The following RMND1 variants were observed in gnomAD, a reference collection of about 807,000 sequenced individuals.
RMND1 encodes the protein required for meiotic nuclear division 1 homolog.
Under a neutral mutation model 54.0 loss-of-function variants are expected in RMND1, and 41 were observed. The observed-to-expected ratio is 0.76, with a 90% CI of 0.59 to 0.98. RMND1 has a LOEUF of 0.98. Among genes scored for constraint, RMND1 ranks in the 50% least tolerant of loss-of-function variants. The pLI is 0.00. For missense variants in RMND1, 457 were observed against 532.0 expected, an observed-to-expected ratio of 0.86 and a Z score of 1.39; for synonymous variants, 183 against 181.7, an observed-to-expected ratio of 1.01 and a Z score of -0.06.
chr6:151,440,044 C>G (rs1780732613), intron 2 of RMND1, among the ~76,000 whole-genome samples: 1 of 152,050 alleles, frequency 6.6e-6, no homozygotes, highest in African/African-American at 2.4e-5. Flanking sequence ...GCAACCTCTA[C>G]CCCCTGGATT....
chr6:151,413,494 C>T (rs935371178), intron 10 of RMND1, among the ~76,000 whole-genome samples: 1 of 152,174 alleles, frequency 6.6e-6, no homozygotes, highest in Non-Finnish European at 1.5e-5. Flanking sequence ...CCTGCCTTGG[C>T]CTACCAAAGT....
intron 2 of RMND1, among the ~76,000 whole-genome samples, chr6:151,440,559 G>C (rs1478264015): frequency 1.3e-5 from 2 of 152,194 alleles, no homozygotes; most frequent in East Asian, 3.8e-4. Context: ...AGGTTTTCCA[G>C]ACTGTCAACT....
At chr6:151,423,026 G>A (rs2114937982) in intron 7 of RMND1, among the ~76,000 whole-genome samples, 1 of 152,292 alleles carries the variant, frequency 6.6e-6, no homozygotes, top group East Asian at 1.9e-4. Flanking sequence ...GGACGCTGCA[G>A]CAGCCACCTA....
At chr6:151,436,178 G>C in intron 3 of RMND1, 1 of 300,386 alleles carries the variant, frequency 3.3e-6, no homozygotes, top group Non-Finnish European at 6.4e-6. Context: ...TAATGTGCTA[G>C]AAATGAAGTA....
chr6:151,420,004 T>C (rs971080562), intron 9 of RMND1, among the ~76,000 whole-genome samples: 1 of 152,206 alleles, frequency 6.6e-6, no homozygotes, highest in Non-Finnish European at 1.5e-5. Context: ...TTATCTGCCA[T>C]GTTTATTTTC....
Position 151,420,910 on chromosome 6 carries a change from G to A in RMND1, c.1079+335C>T, listed in dbSNP as rs539782017. The A allele has an allele frequency of 9.5e-5, 16 of 168,510 alleles. No homozygotes were observed. The South Asian group carries it at 3.0e-3, about 32-fold the overall frequency. 10.4% of individuals were successfully genotyped at this position (168,510 alleles called of 1,614,324 possible). A position where few individuals can be genotyped will look rare whatever the true frequency, so the allele number is the denominator to read the frequency against. ...AGCAATTAAGCCTATTTAGCATTAT[G>A]ATGCAGTGATATATTTTTACAGAGA... On this transcript the variant is annotated intron_variant, in intron 9 of 11. Coordinates refer to ENST00000444024, the MANE Select transcript of RMND1 (RefSeq NM_017909.4).
At chr6:151,419,476 T>A (rs895667647) in intron 9 of RMND1, among the ~76,000 whole-genome samples, 1 of 151,468 alleles carries the variant, frequency 6.6e-6, no homozygotes, top group Non-Finnish European at 1.5e-5. Context: ...GGGAGGAGGA[T>A]TGCTTGAGCA....
At chr6:151,410,852 C>G (rs1031056115) in intron 10 of RMND1, among the ~76,000 whole-genome samples, 1 of 152,172 alleles carries the variant, frequency 6.6e-6, no homozygotes, top group Non-Finnish European at 1.5e-5. Flanking sequence ...GATAAACTCA[C>G]TTATTCTGGT....
intron 6 of RMND1, among the ~76,000 whole-genome samples, 199 bp downstream of exon 6, chr6:151,427,283 G>A (rs1315943261): frequency 6.6e-6 from 1 of 151,992 alleles, no homozygotes; most frequent in East Asian, 2.0e-4. Flanking sequence ...GGCTGAGGCA[G>A]GAGAATTGCT....
intron 6 of RMND1, among the ~76,000 whole-genome samples, chr6:151,426,062 C>T (rs546262883): frequency 6.6e-6 from 1 of 151,972 alleles, no homozygotes; most frequent in South Asian, 2.1e-4. Flanking sequence ...TCTGCCTCCG[C>T]CTCCGCCTCC....
intron 5 of RMND1, among the ~76,000 whole-genome samples, chr6:151,428,634 C>T (rs9371519): frequency 0.16 from 24,685 of 152,096 alleles, 2,214 homozygotes; most frequent in East Asian, 0.35. Flanking sequence ...TGGGTTCGAG[C>T]GATCCCCCTG....
chr6:151,405,447 T>G (rs527600095), intron 11 of RMND1, among the ~76,000 whole-genome samples, 180 bp from the exon 12 acceptor site: 15 of 152,344 alleles, frequency 9.8e-5, no homozygotes, highest in Non-Finnish European at 1.3e-4. Context: ...AGCTGTACAT[T>G]ATAAATTTAC....
At chr6:151,443,364 TGCAGTG>T (rs1582968412) in intron 2 of RMND1, among the ~76,000 whole-genome samples, 2 of 152,086 alleles carry the variant, frequency 1.3e-5, no homozygotes, top group African/African-American at 4.8e-5. Context: ...CAGGCTGGAG[TGCAGTG>T]GCATGATCTC....
At position 151,423,582 on chromosome 6, in the gene RMND1, C is replaced by G. The variant is rs775557356; in HGVS notation, c.880G>C (p.Asp294His). The change falls in exon 7 of 12, where the codon GAT (aspartate) becomes CAT (histidine). Residue 294 changes from aspartate to histidine, a missense_variant. Coordinates refer to ENST00000444024, the MANE Select transcript of RMND1 (RefSeq NM_017909.4). ...TTCTCTAGAATGGCATCATCTAAAT[C>G]CAGCTCTGAATTTAACTTGATTTCC... ...RGEIKLNSEL[D>H]LDDAILEKFA... The G allele has an allele frequency of 1.9e-6, 3 of 1,614,006 alleles. No individual in the cohort carries two copies. The South Asian group carries it at 3.3e-5, about 18-fold the overall frequency.
chr6:151,430,178 C>A lies in RMND1; in HGVS notation c.690-1G>T. 1 of 1,595,264 alleles carries A rather than the reference C, an allele frequency of 6.3e-7. No individual in the cohort carries two copies. Among genetic ancestry groups the A allele is most frequent in the South Asian group, 1.1e-5 (1 of 89,752 alleles). On this transcript the variant is annotated splice_acceptor_variant, in intron 4 of 11. Transcript: ENST00000444024. LOFTEE classifies it high-confidence loss of function. ...ATTCCAAAACACAGCAGCTCCTTCC[C>A]TGATTTAAAAAAATAAAAGAAACAA...
chr6:151,441,971 C>T (rs772596723), intron 2 of RMND1, among the ~76,000 whole-genome samples: 2 of 152,132 alleles, frequency 1.3e-5, no homozygotes, highest in Admixed American at 6.5e-5. Context: ...AACTAACTGG[C>T]GTCTGCACTA....
chr6:151,450,550 G>C (rs1781132818), intron 1 of RMND1, among the ~76,000 whole-genome samples: 1 of 146,372 alleles, frequency 6.8e-6, no homozygotes, highest in Non-Finnish European at 1.5e-5. Context: ...CCCCCCGCCC[G>C]GCCAGCCGCC....
chr6:151,436,586 AC>A lies in RMND1; in HGVS notation c.505-33del, dbSNP rs1241709820. 2.5e-6 allele frequency: 4 copies of A among 1,609,226 alleles called. No homozygotes were observed. The South Asian group carries it at 3.3e-5, about 13-fold the overall frequency. The stretch of plus-strand genomic sequence containing the variant: ...CAGGGAAATGAGCATAACATGGGTT[AC>A]CAAGAGGCTGAAGCATCTGTGACGG... On this transcript the variant is annotated intron_variant, in intron 2 of 11. Coordinates refer to ENST00000444024, the MANE Select transcript of RMND1 (RefSeq NM_017909.4).
chr6:151,413,742 C>T (rs769897010), intron 10 of RMND1: 7 of 152,226 alleles, frequency 4.6e-5, no homozygotes, highest in South Asian at 2.1e-4. Context: ...ACTGTCAAAT[C>T]GGTGTCTAAT....
Sources: gnomAD v4.1 joint callset for allele counts (sites outside exome capture counted in the v4.1 genomes callset) on GRCh38, gnomAD v4.1.1 for gene constraint, MANE v1.5 for transcripts, NCBI Gene and HGNC (gene_info 2026-07-23, HGNC 2026-07-21) for gene names.